The following TRIO variants were observed in gnomAD, a reference collection of about 807,000 sequenced individuals.
TRIO encodes the protein triple functional domain protein.
A neutral mutation model predicts 351.9 loss-of-function variants in TRIO; 58 were observed. That is an observed-to-expected ratio of 0.16 (90% CI 0.13 to 0.21). The LOEUF (loss-of-function observed/expected upper bound fraction) is 0.21. TRIO is among the 10% of genes least tolerant of loss of function. TRIO has a pLI of 1.00. For synonymous variants in TRIO, 1,758 were observed against 1,595.7 expected (o/e 1.10, Z -2.42); for missense variants, 3,201 against 4,027.8 (o/e 0.79, Z 5.56).
intron 3 of TRIO, among the ~76,000 whole-genome samples, chr5:14,281,694 C>G (rs1029480316): frequency 2.6e-5 from 4 of 152,092 alleles, no homozygotes; most frequent in African/African-American, 9.7e-5. Flanking sequence ...CCTCAGGTGT[C>G]TCTTTTATTC....
intron 11 of TRIO, among the ~76,000 whole-genome samples, chr5:14,357,152 A>G (rs928349442): frequency 6.6e-6 from 1 of 152,236 alleles, no homozygotes; most frequent in African/African-American, 2.4e-5. Flanking sequence ...ACATGCACAC[A>G]CAGTTTCTTT....
chr5:14,387,348 C>G, intron 21 of TRIO, 90 bp from the exon 22 acceptor site: 1 of 1,356,050 alleles, frequency 7.4e-7, no homozygotes, highest in South Asian at 1.4e-5. Flanking sequence ...CTGTTCAGAG[C>G]TCAGAGTTGG....
At position 14,475,720 on chromosome 5, in the gene TRIO, T is replaced by C. The variant is rs73061701; in HGVS notation, c.6084-1174T>C. 3.5e-3 allele frequency among the ~76,000 whole-genome samples: 531 copies of C among 152,324 alleles called. 2 individuals carry two copies. Among genetic ancestry groups the C allele is most frequent in the African/African-American group, 0.012 (500 of 41,566 alleles). ...CAAAAAGGGATATTTTGTATTATGA[T>C]TTAGTCTCCTACTTCCAAGGCTAGT... On this transcript the variant is annotated intron_variant, in intron 40 of 56. Transcript: ENST00000344204.
chr5:14,308,716 T>G (rs1738619257), intron 8 of TRIO, among the ~76,000 whole-genome samples: 2 of 99,692 alleles, frequency 2.0e-5, no homozygotes, highest in South Asian at 6.3e-4. Flanking sequence ...CACCCATTCA[T>G]TTGTCCATCC....
At chr5:14,423,741 T>C (rs1561474494) in intron 34 of TRIO, among the ~76,000 whole-genome samples, 1 of 152,038 alleles carries the variant, frequency 6.6e-6, no homozygotes, top group Non-Finnish European at 1.5e-5. Context: ...ATGAATCTTT[T>C]TGACTGATAG....
chr5:14,269,336 G>A (rs1314215698), intron 1 of TRIO, among the ~76,000 whole-genome samples: 1 of 152,232 alleles, frequency 6.6e-6, no homozygotes, highest in Non-Finnish European at 1.5e-5. Flanking sequence ...GAATGATAAT[G>A]TTGTAGAGAC....
chr5:14,288,357 C>T (rs1736617851), intron 4 of TRIO, among the ~76,000 whole-genome samples: 1 of 152,140 alleles, frequency 6.6e-6, no homozygotes, highest in Admixed American at 6.6e-5. Flanking sequence ...CCAGTGATTG[C>T]CTCTGTGGAG....
chr5:14,431,269 C>A (rs1579635159), intron 34 of TRIO, among the ~76,000 whole-genome samples: 1 of 152,316 alleles, frequency 6.6e-6, no homozygotes, highest in Non-Finnish European at 1.5e-5. Flanking sequence ...CGTGGTCTGA[C>A]CAGCAGTGGC....
intron 1 of TRIO, among the ~76,000 whole-genome samples, chr5:14,195,173 G>A (rs1213538865): frequency 6.6e-6 from 1 of 152,146 alleles, no homozygotes; most frequent in Non-Finnish European, 1.5e-5. Flanking sequence ...CATTCCAGGA[G>A]CACACGTTGC....
intron 1 of TRIO, among the ~76,000 whole-genome samples, chr5:14,177,043 T>C (rs1789447910): frequency 2.0e-5 from 3 of 152,226 alleles, no homozygotes; most frequent in African/African-American, 7.2e-5. Context: ...AAACACTGTG[T>C]GTCCAGCTTT....
In TRIO at chr5:14,386,312, G is replaced by A. The variant is rs183804857; in HGVS notation, c.3571-1126G>A. ...AGTTGGTGAGCCACAGCTGGGGGAC[G>A]GGGGTGCTGTTGGGTGGCTAGGGGC... On this transcript the variant is annotated intron_variant, in intron 21 of 56. Transcript: ENST00000344204. Among the ~76,000 whole-genome samples, 48 of 152,232 alleles carry A rather than the reference G, an allele frequency of 3.2e-4. 1 individual carries two copies. Among genetic ancestry groups the A allele is most frequent in the Admixed American group, 2.2e-3 (33 of 15,296 alleles).
intron 11 of TRIO, among the ~76,000 whole-genome samples, chr5:14,346,269 C>A (rs1352394926): frequency 6.6e-6 from 1 of 152,198 alleles, no homozygotes; most frequent in East Asian, 1.9e-4. Context: ...AGAAAGTGGA[C>A]CCCATCATCT....
intron 21 of TRIO, among the ~76,000 whole-genome samples, chr5:14,383,664 G>A (rs1246207944): frequency 6.6e-6 from 1 of 152,178 alleles, no homozygotes; most frequent in Non-Finnish European, 1.5e-5. Flanking sequence ...GGTTATACCA[G>A]GAGGAACTGG....
intron 21 of TRIO, among the ~76,000 whole-genome samples, chr5:14,384,769 A>T (rs970944368): frequency 3.9e-5 from 6 of 152,204 alleles, no homozygotes; most frequent in African/African-American, 1.2e-4. Flanking sequence ...AGGTTAATAA[A>T]TTCACCTACA....
At chr5:14,338,263 C>G (rs983461053) in intron 11 of TRIO, among the ~76,000 whole-genome samples, 6 of 152,160 alleles carry the variant, frequency 3.9e-5, no homozygotes, top group African/African-American at 1.4e-4. Context: ...ACCAGTGGTT[C>G]TTCTTGTATG....
At chr5:14,289,349 C>T (rs1382710437) in intron 4 of TRIO, among the ~76,000 whole-genome samples, 1 of 151,938 alleles carries the variant, frequency 6.6e-6, no homozygotes, top group African/African-American at 2.4e-5. Context: ...TGCACCACTG[C>T]ACTGCAGCAT....
At chr5:14,490,672 TTGG>T (rs1756416284) in intron 48 of TRIO, 1 of 391,720 alleles carries the variant, frequency 2.6e-6, no homozygotes, top group African/African-American at 2.1e-5. Context: ...CACTGGTGGG[TTGG>T]TGGTGAGAAT....
chr5:14,336,355 C>T (rs1179243632), intron 10 of TRIO, among the ~76,000 whole-genome samples, 181 bp from the exon 11 acceptor site: 2 of 152,120 alleles, frequency 1.3e-5, no homozygotes, highest in East Asian at 1.9e-4. Flanking sequence ...AAAACAACAG[C>T]GGGAAAGGAA....
chr5:14,396,977 C>CT, intron 28 of TRIO, 66 bp from the exon 29 acceptor site: 1 of 1,391,614 alleles, frequency 7.2e-7, no homozygotes, highest in Non-Finnish European at 9.9e-7. Flanking sequence ...TAAACTGTTT[C>CT]TGCCAAGGTC....
Sources: allele counts gnomAD v4.1 joint callset (sites outside exome capture counted in the v4.1 genomes callset), GRCh38; gene constraint gnomAD v4.1.1; transcripts MANE v1.5; gene names NCBI Gene and HGNC (gene_info 2026-07-23, HGNC 2026-07-21).